CALCR: variants seen among roughly 807,000 people sequenced by gnomAD.
CALCR encodes the protein calcitonin receptor.
A neutral mutation model predicts 59.5 loss-of-function variants in CALCR; 47 were observed. The observed-to-expected ratio is 0.79, with a 90% CI of 0.63 to 1.01. The LOEUF (loss-of-function observed/expected upper bound fraction) is 1.01. CALCR is among the 50% of genes least tolerant of loss of function. The pLI is 0.00. For synonymous variants in CALCR, 213 were observed against 211.3 expected (o/e 1.01, Z -0.07); for missense variants, 566 against 597.1 (o/e 0.95, Z 0.54).
chr7:93,447,518 G>A (rs1800028707), intron 8 of CALCR, among the ~76,000 whole-genome samples: 1 of 151,930 alleles, frequency 6.6e-6, no homozygotes, highest in South Asian at 2.1e-4. Flanking sequence ...GTTGTGGTGG[G>A]GGTAGAGGAA....
intron 2 of CALCR, among the ~76,000 whole-genome samples, chr7:93,552,905 T>G (rs1789499066): frequency 6.6e-6 from 1 of 152,156 alleles, no homozygotes; most frequent in African/African-American, 2.4e-5. Flanking sequence ...ATATTCAGTG[T>G]AGCACATATC....
chr7:93,436,662 C>A (rs1171240439), intron 11 of CALCR, among the ~76,000 whole-genome samples: 2 of 151,968 alleles, frequency 1.3e-5, no homozygotes, highest in African/African-American at 4.8e-5. Flanking sequence ...CCTTAAGTGC[C>A]TTTTGTATCC....
chr7:93,543,692 C>T (rs1459422442), intron 2 of CALCR, among the ~76,000 whole-genome samples: 2 of 151,914 alleles, frequency 1.3e-5, no homozygotes, highest in East Asian at 3.9e-4. Context: ...TAAGAATGTA[C>T]AGTTATTGTG....
chr7:93,537,713 T>TACAC lies in CALCR; in HGVS notation c.-27+36572_-27+36575dup, dbSNP rs139565888. 1.5e-3 allele frequency among the ~76,000 whole-genome samples: 228 copies of TACAC among 150,410 alleles called. 2 individuals carry two copies. Among genetic ancestry groups the TACAC allele is most frequent in the African/African-American group, 5.1e-3 (211 of 41,266 alleles). ...TCCTTGTTTTGATTATACATGTGTA[T>TACAC]ACACACACACACACACATACATACA... On this transcript the variant is annotated intron_variant, in intron 2 of 13. Transcript: ENST00000426151.
At chr7:93,521,098 T>C (rs1367502320) in intron 2 of CALCR, among the ~76,000 whole-genome samples, 2 of 152,162 alleles carry the variant, frequency 1.3e-5, no homozygotes, top group African/African-American at 4.8e-5. Context: ...CTGGTACATC[T>C]AATGTTATTC....
At chr7:93,569,898 G>T (rs939512771) in intron 2 of CALCR, among the ~76,000 whole-genome samples, 1 of 149,546 alleles carries the variant, frequency 6.7e-6, no homozygotes, top group African/African-American at 2.5e-5. Flanking sequence ...GAAAACCAAA[G>T]AAAAGCAGCT....
At chr7:93,489,476 A>G (rs1407161389) in intron 2 of CALCR, among the ~76,000 whole-genome samples, 1 of 151,772 alleles carries the variant, frequency 6.6e-6, no homozygotes, top group East Asian at 1.9e-4. Flanking sequence ...TAAAACCAGG[A>G]GCTGGTTTTT....
At chr7:93,441,102 T>G (rs1289433993) in intron 9 of CALCR, among the ~76,000 whole-genome samples, 1 of 152,164 alleles carries the variant, frequency 6.6e-6, no homozygotes, top group Non-Finnish European at 1.5e-5. Context: ...TAATTCACAA[T>G]GCATCAGTAT....
At chr7:93,517,217 C>A (rs988454021) in intron 2 of CALCR, among the ~76,000 whole-genome samples, 4 of 150,314 alleles carry the variant, frequency 2.7e-5, no homozygotes, top group African/African-American at 5.0e-5. Flanking sequence ...AAAGCCCAAA[C>A]TTTGAAAATG....
intron 13 of CALCR, among the ~76,000 whole-genome samples, chr7:93,428,153 A>G (rs1023314747): frequency 3.3e-5 from 5 of 152,262 alleles, no homozygotes; most frequent in African/African-American, 1.2e-4. Flanking sequence ...AAAGCCACGC[A>G]AGAACAAAAG....
At position 93,554,769 on chromosome 7, in the gene CALCR, G is replaced by GTATATATATATATATATATATATATA. The variant is rs55879216; in HGVS notation, c.-27+19519_-27+19520insTATATATATATATATATATATATATA. The stretch of plus-strand genomic sequence containing the variant: ...ATAGATGTTCAAATTGCCAGGCCAT[G>GTATATATATATATATATATATATATA]TATATATATATATATATATATATTA... On this transcript the variant is annotated intron_variant, in intron 2 of 13. Transcript: ENST00000426151. Among the ~76,000 whole-genome samples the GTATATATATATATATATATATATATA allele has an allele frequency of 2.8e-3, 333 of 117,080 alleles. 11 individuals are homozygous for GTATATATATATATATATATATATATA. The highest frequency in any genetic ancestry group is 6.5e-3 in the East Asian group (23 of 3,538). 76.8% of individuals were successfully genotyped at this position (117,080 alleles called of 152,430 possible).
At position 93,472,531 on chromosome 7, in the gene CALCR, C is replaced by A. The variant is rs1800576430; in HGVS notation, c.317-44G>T. ...AGTTATTGCATTAATATCTCAAAAT[C>A]CCAACAAGGAAAAATAATAAATTAA... On this transcript the variant is annotated intron_variant, in intron 5 of 13. Coordinates refer to ENST00000426151, the MANE Select transcript of CALCR (RefSeq NM_001742.4). 3 of 1,095,774 alleles carry A rather than the reference C, an allele frequency of 2.7e-6. No individual in the cohort carries two copies. In the East Asian group the frequency reaches 7.1e-5, roughly 26 times the overall value. The allele number at this position is 1,095,774 out of a possible 1,614,324, so 67.9% of individuals were successfully genotyped here. A position where few individuals can be genotyped will look rare whatever the true frequency, so the allele number is the denominator to read the frequency against.
At chr7:93,574,261 G>A (rs1341612137) in intron 2 of CALCR, 28 bp downstream of exon 2, 2 of 152,346 alleles carry the variant, frequency 1.3e-5, no homozygotes, top group African/African-American at 4.8e-5. Context: ...AAATCGTTAA[G>A]TCCCGCTCAT....
chr7:93,549,907 T>C (rs908859931), intron 2 of CALCR, among the ~76,000 whole-genome samples: 7 of 152,148 alleles, frequency 4.6e-5, no homozygotes, highest in African/African-American at 1.7e-4. Flanking sequence ...ACAGCACAAA[T>C]AGGCAATTCA....
intron 7 of CALCR, among the ~76,000 whole-genome samples, chr7:93,464,824 G>A (rs1253592477): frequency 6.6e-6 from 1 of 151,874 alleles, no homozygotes; most frequent in Non-Finnish European, 1.5e-5. Context: ...GGCAGCTAGA[G>A]ATGTATAATG....
In CALCR at chr7:93,426,201, A is replaced by T; in HGVS notation, c.*155T>A. 1.7e-6 allele frequency: 1 copy of T among 591,088 alleles called. No homozygotes were observed. The highest frequency in any genetic ancestry group is 3.0e-6 in the Non-Finnish European group (1 of 332,714). 36.6% of individuals were successfully genotyped at this position (591,088 alleles called of 1,614,324 possible). A position where few individuals can be genotyped will look rare whatever the true frequency, so the allele number is the denominator to read the frequency against. ...GTCTCCCAAAGCAACAGTACCAAGA[A>T]TAACTTTCTTCAGATTTACAATGGA... On this transcript the variant is annotated 3_prime_UTR_variant, in exon 14 of 14. Transcript: ENST00000426151.
chr7:93,562,195 T>C (rs1231751670), intron 2 of CALCR, among the ~76,000 whole-genome samples: 2 of 152,034 alleles, frequency 1.3e-5, no homozygotes, highest in Admixed American at 6.6e-5. Context: ...TTTAGCTTCT[T>C]TGATTTTCAG....
intron 2 of CALCR, among the ~76,000 whole-genome samples, chr7:93,526,869 A>G (rs948976571): frequency 1.3e-5 from 2 of 152,098 alleles, no homozygotes; most frequent in African/African-American, 2.4e-5. Flanking sequence ...ATTGTGACCA[A>G]TTAAAAATAA....
At chr7:93,501,658 T>C (rs552273766) in intron 2 of CALCR, among the ~76,000 whole-genome samples, 1 of 152,232 alleles carries the variant, frequency 6.6e-6, no homozygotes, top group African/African-American at 2.4e-5. Flanking sequence ...TAAGACATCT[T>C]GTATCTCCTC....
Sources: allele counts gnomAD v4.1 joint callset (sites outside exome capture counted in the v4.1 genomes callset), GRCh38; gene constraint gnomAD v4.1.1; transcripts MANE v1.5; gene names NCBI Gene and HGNC (gene_info 2026-07-23, HGNC 2026-07-21).